The following DCAF1 variants were observed in gnomAD, a reference collection of about 807,000 sequenced individuals.
The protein encoded by DCAF1 is DDB1 and CUL4 associated factor 1.
In DCAF1, 15 loss-of-function variants were observed where a neutral mutation model predicts 128.0. That is an observed-to-expected ratio of 0.12 (90% CI 0.08 to 0.18). DCAF1 has a LOEUF of 0.18. Among genes scored for constraint, DCAF1 ranks in the 10% least tolerant of loss-of-function variants. The pLI is 1.00. For missense variants in DCAF1, 988 were observed against 1,649.5 expected (o/e 0.60, Z 6.95); for synonymous variants, 610 against 603.0 (o/e 1.01, Z -0.17).
At chr3:51,471,037 G>A in intron 3 of DCAF1, 32 bp from the exon 4 acceptor site, 2 of 1,501,864 alleles carry the variant, frequency 1.3e-6, no homozygotes, top group Non-Finnish European at 1.8e-6. Context: ...GTCAACTCTG[G>A]ACAAGCATAA....
intron 23 of DCAF1, among the ~76,000 whole-genome samples, chr3:51,407,174 A>C (rs1218590531): frequency 6.6e-6 from 1 of 151,066 alleles, no homozygotes; most frequent in East Asian, 1.9e-4. Flanking sequence ...AAAAAAAAAA[A>C]AAAAACAACA....
chr3:51,403,241 G>A lies in DCAF1; in HGVS notation c.4367C>T (p.Pro1456Leu). The A allele has an allele frequency of 6.2e-7, 1 of 1,613,760 alleles. No homozygotes were observed. The highest frequency in any genetic ancestry group is 8.5e-7 in the Non-Finnish European group (1 of 1,179,850). ...AGEDGDNDFS[P>L]SDEELANLLE... ...AAGGTTTGCTAGCTCCTCATCAGAG[G>A]GAGAGAAGTCATTGTCCCCATCTTC... The change falls in exon 24 of 25, where the codon CCC (proline) becomes CTC (leucine). Residue 1456 changes from proline (P) to leucine (L), a missense_variant. Around this residue, in one of 11 missense-constraint regions of DCAF1, gnomAD observed 97 missense variants for 134.5 expected, o/e 0.72. Coordinates refer to ENST00000684031, the MANE Select transcript of DCAF1 (RefSeq NM_001387579.1).
At chr3:51,488,790 A>G (rs59838596) in intron 2 of DCAF1, among the ~76,000 whole-genome samples, 11,216 of 151,900 alleles carry the variant, frequency 0.074, 974 homozygotes, top group East Asian at 0.33. Flanking sequence ...GTGACAGAGC[A>G]AAACTCCGTC....
upstream of DCAF1, among the ~76,000 whole-genome samples, chr3:51,503,427 C>A (rs1248206420): frequency 6.6e-6 from 1 of 152,184 alleles, no homozygotes; most frequent in African/African-American, 2.4e-5. Context: ...ACTCCCAGCA[C>A]CTCCTTCTAG....
intron 6 of DCAF1, among the ~76,000 whole-genome samples, chr3:51,457,398 A>C (rs1277221104): frequency 6.6e-6 from 1 of 152,202 alleles, no homozygotes; most frequent in East Asian, 1.9e-4. Context: ...AGCCTCCAAG[A>C]AATATGGGAC....
Position 51,420,185 on chromosome 3 carries a change from C to A in DCAF1, c.2785G>T (p.Ala929Ser), listed in dbSNP as rs1033706736. 4.3e-6 allele frequency: 7 copies of A among 1,613,804 alleles called. No homozygotes were observed. In the African/African-American group the frequency reaches 9.3e-5, roughly 22 times the overall value. ...VGASAPSAPT[A>S]HPQPRPPQGP... ...TGGGGGGGCCGTGGCTGAGGATGAG[C>A]AGTAGGGGCAGAAGGCGCAGAGGCA... Residue 929 changes from alanine (A) to serine (S), a missense_variant, in exon 15 of 25, where the codon GCT becomes TCT. Coordinates refer to ENST00000684031, the MANE Select transcript of DCAF1 (RefSeq NM_001387579.1). The surrounding 1 kb of genome is among the most constrained non-coding windows in gnomAD (Gnocchi z 6.5).
intron 9 of DCAF1, among the ~76,000 whole-genome samples, chr3:51,438,364 G>A (rs1423910623): frequency 3.3e-5 from 5 of 152,078 alleles, no homozygotes; most frequent in African/African-American, 9.7e-5. Context: ...TCACTGTAAC[G>A]TCCTTTGTAA....
chr3:51,464,243 A>G (rs531286353), intron 5 of DCAF1, among the ~76,000 whole-genome samples: 1 of 97,174 alleles, frequency 1.0e-5, no homozygotes, highest in South Asian at 3.9e-4. Context: ...AAAAACTCAA[A>G]TTTTATAATA....
At position 51,422,121 on chromosome 3, in the gene DCAF1, T is replaced by G. The variant is rs544509467; in HGVS notation, c.1972+186A>C. Among the ~76,000 whole-genome samples, 5 of 146,820 alleles carry G rather than the reference T, an allele frequency of 3.4e-5. No individual in the cohort carries two copies. In the South Asian group the frequency reaches 8.5e-4, roughly 25 times the overall value. ...CTACATTTGTATTTTTGTTTTTTGG[T>G]TTTTTTTTTTAAATTAGTTCCTGAT... On this transcript the variant is annotated intron_variant, in intron 14 of 24. Transcript: ENST00000684031.
chr3:51,397,386 G>T (rs2106683331), downstream of DCAF1: 1 of 167,176 alleles, frequency 6.0e-6, no homozygotes, highest in South Asian at 2.1e-4. Flanking sequence ...CCCCTAACCT[G>T]CCAGGATGCT....
In DCAF1 at chr3:51,414,775, G is replaced by A; in HGVS notation, c.3686C>T (p.Thr1229Ile). 1 of 1,614,026 alleles carries A rather than the reference G, an allele frequency of 6.2e-7. No homozygotes were observed. The highest frequency in any genetic ancestry group is 1.1e-5 in the South Asian group (1 of 91,090). The change falls in exon 19 of 25, where the codon ACC (threonine) becomes ATC (isoleucine). Residue 1229 changes from threonine (T) to isoleucine (I), a missense_variant. Physicochemically the swap from Thr to Ile is moderately conservative, Grantham distance 89. Transcript: ENST00000684031. ...GACAAGATCATCTGTAGGATTAAAG[G>A]TGGCACAGTTCCTCTTGTAGTTGTT... is the stretch of plus-strand genomic sequence containing the variant. ...LANNYKRNCA[T>I]FNPTDDLVLN... is the part of the protein sequence containing the mutation.
intron 6 of DCAF1, among the ~76,000 whole-genome samples, chr3:51,452,357 T>C (rs1702443192): frequency 6.6e-6 from 1 of 152,116 alleles, no homozygotes; most frequent in Admixed American, 6.6e-5. Context: ...TTAAAATATT[T>C]TAAGAAATAT....
downstream of DCAF1, chr3:51,396,362 T>C (rs782776814): frequency 1.2e-5 from 2 of 168,938 alleles, no homozygotes; most frequent in Non-Finnish European, 2.9e-5. Flanking sequence ...TCCTTCTCTT[T>C]CCTGGCCCTC....
intron 2 of DCAF1, among the ~76,000 whole-genome samples, chr3:51,494,086 A>T (rs2108558580): frequency 6.6e-6 from 1 of 150,414 alleles, no homozygotes; most frequent in South Asian, 2.1e-4. Context: ...GAAAATGGGC[A>T]GTGACTGCTA....
intron 6 of DCAF1, among the ~76,000 whole-genome samples, chr3:51,457,144 C>T (rs1351365487): frequency 6.6e-6 from 1 of 151,880 alleles, no homozygotes; most frequent in Admixed American, 6.6e-5. Flanking sequence ...GAACCAATGG[C>T]AAAGAAGTTA....
chr3:51,456,474 C>A (rs1180759274), intron 6 of DCAF1, among the ~76,000 whole-genome samples: 2 of 152,230 alleles, frequency 1.3e-5, no homozygotes, highest in African/African-American at 2.4e-5. Context: ...TCTGTAGGCT[C>A]CACCTCTGGG....
intron 14 of DCAF1, among the ~76,000 whole-genome samples, chr3:51,421,317 C>T (rs187148422): frequency 4.0e-4 from 61 of 152,206 alleles, no homozygotes; most frequent in African/African-American, 1.4e-3. Context: ...AGTGCAGTGG[C>T]GTGATCTTGG....
intron 23 of DCAF1, among the ~76,000 whole-genome samples, chr3:51,404,427 T>C (rs1306940441): frequency 1.3e-5 from 2 of 152,248 alleles, no homozygotes; most frequent in African/African-American, 2.4e-5. Context: ...TTAAAACTTA[T>C]ACTCAGTGGT....
At position 51,429,390 on chromosome 3, in the gene DCAF1, A is replaced by G. The variant is rs373245592; in HGVS notation, c.1548T>C (p.Thr516=). Residue 516 remains threonine (T), a synonymous_variant, in exon 12 of 25, where the codon ACT becomes ACC. Coordinates refer to ENST00000684031, the MANE Select transcript of DCAF1 (RefSeq NM_001387579.1). ...SDDEIFASRQ[T]GKHTCMALRK... ...GCAAGGCCATGCAGGTATGTTTCCC[A>G]GTTTGGCGGCTAGCAAATATTTCAT... The G allele has an allele frequency of 5.1e-6, 4 of 780,810 alleles. No individual in the cohort carries two copies. In the African/African-American group the frequency reaches 6.8e-5, roughly 13 times the overall value. The allele number at this position is 780,810 out of a possible 1,614,324, so 48.4% of individuals were successfully genotyped here.
Sources: allele counts gnomAD v4.1 joint callset (sites outside exome capture counted in the v4.1 genomes callset), GRCh38; gene constraint gnomAD v4.1.1; regional missense constraint gnomAD v4.1.1; non-coding constraint Gnocchi (gnomAD v3.1); transcripts MANE v1.5; gene names NCBI Gene and HGNC (gene_info 2026-07-23, HGNC 2026-07-21).